Variants in DNAH17 observed in about 807,000 individuals in gnomAD.
DNAH17 encodes the protein axonemal beta dynein heavy chain 17.
DNAH17 carries 376 observed loss-of-function variants against 485.6 expected under a neutral mutation model. The observed-to-expected ratio is 0.77, with a 90% confidence interval of 0.71 to 0.84. DNAH17 has a LOEUF of 0.84. Ranked by LOEUF, DNAH17 falls within the 40% of genes least tolerant of loss-of-function variation. The pLI, the probability that DNAH17 is intolerant of heterozygous loss-of-function variation, is 0.00. For missense variants in DNAH17, 6,370 were observed against 5,839.3 expected (o/e 1.09, Z -2.96); for synonymous variants, 3,031 against 2,405.9 (o/e 1.26, Z -7.60).
At chr17:78,542,932 G>T (rs1320113578) in intron 17 of DNAH17, among the ~76,000 whole-genome samples, 1 of 152,180 alleles carries the variant, frequency 6.6e-6, no homozygotes, top group Non-Finnish European at 1.5e-5. Flanking sequence ...GCTCATCCTG[G>T]GAAGACAAGA....
intron 56 of DNAH17, among the ~76,000 whole-genome samples, chr17:78,465,538 C>T (rs1461851896): frequency 7.2e-6 from 1 of 138,546 alleles, no homozygotes; most frequent in Non-Finnish European, 1.6e-5. Context: ...CGTCTCTGCC[C>T]GGCCGCCCAT....
chr17:78,439,663 CACT>C (rs2086990356), intron 72 of DNAH17, among the ~76,000 whole-genome samples: 2 of 125,434 alleles, frequency 1.6e-5, no homozygotes, highest in African/African-American at 5.9e-5. Flanking sequence ...ATCAGTACTT[CACT>C]TTTTTTTTTT....
chr17:78,460,327 T>TGTGTGTGC, intron 58 of DNAH17, 70 bp from the exon 59 acceptor site: 1 of 786,778 alleles, frequency 1.3e-6, no homozygotes, highest in South Asian at 1.7e-5. Flanking sequence ...TGTACGTGCA[T>TGTGTGTGC]GTGTGTGCAT....
At position 78,542,463 on chromosome 17, in the gene DNAH17, G is replaced by A. The variant is rs113743946; in HGVS notation, c.2532+1394C>T. On this transcript the variant is annotated intron_variant, in intron 17 of 80. Transcript: ENST00000389840. ...ACGCCCAGCCGTTATTTGAGCTCAA[G>A]GGAGAATATTCTCTTTTACAAGCCA... Among the ~76,000 whole-genome samples, 22 of 152,214 alleles carry A rather than the reference G, an allele frequency of 1.4e-4. No individual in the cohort carries two copies. The East Asian group carries it at 3.7e-3, about 25-fold the overall frequency.
chr17:78,427,086 A>G lies in DNAH17; in HGVS notation c.12611T>C (p.Ile4204Thr). ...GAAAGTCTCCGGAATCTTCTCCAGG[A>G]TGTCGTCCAGCACGGCCTTCACCTG... ...EEKVKAVLDD[I>T]LEKIPETFNM... Residue 4204 changes from isoleucine to threonine, a missense_variant, in exon 78 of 81, where the codon ATC becomes ACC. Coordinates refer to ENST00000389840, the MANE Select transcript of DNAH17 (RefSeq NM_173628.4). 1 of 1,582,470 alleles carries G rather than the reference A, an allele frequency of 6.3e-7. No homozygotes were observed. Among genetic ancestry groups the G allele is most frequent in the Non-Finnish European group, 8.6e-7 (1 of 1,164,490 alleles).
In DNAH17 at chr17:78,480,684, C is replaced by T; in HGVS notation, c.7752G>A (p.Gln2584=). ...GGGGATGAGTATGGTTTCTGCTTAC[C>T]TGAAGCCTGGAGTCGATGGTGAAGG... The part of the protein sequence containing the change: ...SGSFTIDSRL[Q]RHFCVFAVSF... The change falls in exon 49 of 81, where the codon CAG becomes CAA. Residue 2584 remains glutamine, a splice_region_variant and synonymous_variant. Coordinates refer to ENST00000389840, the MANE Select transcript of DNAH17 (RefSeq NM_173628.4). The T allele has an allele frequency of 6.2e-7, 1 of 1,613,082 alleles. No individual in the cohort carries two copies. The highest frequency in any genetic ancestry group is 1.3e-5 in the African/African-American group (1 of 75,016).
intron 11 of DNAH17, among the ~76,000 whole-genome samples, chr17:78,565,235 C>T (rs1307124381): frequency 2.0e-5 from 3 of 152,206 alleles, no homozygotes; most frequent in Non-Finnish European, 2.9e-5. Context: ...TGAGTAAGGT[C>T]TGAATCAAGT....
chr17:78,443,863 A>G (rs1019046223), intron 71 of DNAH17, among the ~76,000 whole-genome samples: 3 of 152,182 alleles, frequency 2.0e-5, no homozygotes, highest in Admixed American at 6.5e-5. Context: ...TATTAGGGAC[A>G]TGAGTGTCCT....
intron 33 of DNAH17, chr17:78,502,356 G>A (rs564159752): frequency 2.3e-5 from 9 of 395,772 alleles, no homozygotes; most frequent in East Asian, 1.8e-4. Context: ...ATTTTCAGGC[G>A]AGAAATCAAA....
rs2090001410 is a variant in DNAH17 at position 78,494,694 on chromosome 17, G to A, written c.6169C>T (p.Pro2057Ser). ...GGCAGGTCGTCTGTCACAATCTTGG[G>A]GATGTTGAAGTCTCTCAGCGCCCGC... ...LMRALRDFNI[P>S]KIVTDDLPVF... Residue 2057 changes from proline to serine, a missense_variant, in exon 40 of 81, where the codon CCC becomes TCC. Physicochemically the swap from Pro to Ser is moderately conservative, Grantham distance 74. Transcript: ENST00000389840. 6.2e-6 allele frequency: 10 copies of A among 1,613,938 alleles called. No homozygotes were observed. Among genetic ancestry groups the A allele is most frequent in the Non-Finnish European group, 8.5e-6 (10 of 1,179,894 alleles).
At chr17:78,553,283 GTTTTTTTTTTTTTTTTTT>G (rs60587420) in intron 14 of DNAH17, among the ~76,000 whole-genome samples, 6 of 51,016 alleles carry the variant, frequency 1.2e-4, no homozygotes, top group South Asian at 6.6e-4. Flanking sequence ...AGGTTTTTGT[GTTTTTTTTTTTTTTTTTT>G]TTTTTTTTTT....
intron 44 of DNAH17, among the ~76,000 whole-genome samples, chr17:78,488,912 G>A (rs1349191286): frequency 6.6e-6 from 1 of 151,998 alleles, no homozygotes; most frequent in African/African-American, 2.4e-5. Context: ...CTGGGAGAGA[G>A]GCCTGGGACA....
In DNAH17 at chr17:78,453,429, C is replaced by T. The variant is rs746745527; in HGVS notation, c.10443G>A (p.Gly3481=). 38 of 1,613,848 alleles carry T rather than the reference C, an allele frequency of 2.4e-5. No homozygotes were observed. The South Asian group carries it at 3.5e-4, about 15-fold the overall frequency. Residue 3481 remains glycine, a synonymous_variant, in exon 65 of 81, where the codon GGG becomes GGA. Transcript: ENST00000389840. The part of the protein sequence containing the change: ...LDVIEQAISE[G]DTLLIENIGE... ...CGATGTTCTCAATGAGCAAGGTGTC[C>T]CCTTCCGAGATGGCCTGCTCGATGA...
At chr17:78,431,796 T>G (rs964701499) in intron 75 of DNAH17, among the ~76,000 whole-genome samples, 4 of 152,106 alleles carry the variant, frequency 2.6e-5, no homozygotes, top group African/African-American at 9.7e-5. Flanking sequence ...GCCGCTGATG[T>G]ACATGGTACT....
At chr17:78,477,927 CCATCAT>C (rs1290227704) in intron 51 of DNAH17, among the ~76,000 whole-genome samples, 1 of 149,186 alleles carries the variant, frequency 6.7e-6, no homozygotes, top group African/African-American at 2.6e-5. Flanking sequence ...ACCATCACCA[CCATCAT>C]CACCACCATC....
chr17:78,557,634 C>A (rs2092053695), intron 14 of DNAH17, among the ~76,000 whole-genome samples: 3 of 42,938 alleles, frequency 7.0e-5, no homozygotes, highest in East Asian at 9.0e-4. Context: ...GTGAGACTGT[C>A]TCAAAAAAAA....
Position 78,507,595 on chromosome 17 carries a change from C to T in DNAH17, c.4447G>A (p.Asp1483Asn). 2.5e-6 allele frequency: 4 copies of T among 1,614,152 alleles called. 1 individual carries two copies. Among genetic ancestry groups the T allele is most frequent in the Non-Finnish European group, 3.4e-6 (4 of 1,180,008 alleles). Residue 1483 changes from aspartate to asparagine, a missense_variant, in exon 28 of 81, where the codon GAC (aspartate) becomes AAC (asparagine). By Grantham distance (23) the Asp-to-Asn change is conservative (BLOSUM62 1). Coordinates refer to ENST00000389840, the MANE Select transcript of DNAH17 (RefSeq NM_173628.4). ...TSWQQKLSTADSVISIWFEVQ... is the reference protein window; with the variant it reads ...TSWQQKLSTANSVISIWFEVQ... ...TCAAACCAGATGGAGATGACGGAGTCCGCCGTGGACAGCTTCTGCTGCCAG... is the reference window on the plus strand; with the variant it reads ...TCAAACCAGATGGAGATGACGGAGTTCGCCGTGGACAGCTTCTGCTGCCAG...
intron 51 of DNAH17, among the ~76,000 whole-genome samples, chr17:78,477,769 C>G (rs1386726878): frequency 6.6e-6 from 1 of 152,336 alleles, no homozygotes; most frequent in East Asian, 1.9e-4. Context: ...AAGCACCAAA[C>G]TTATGTGTTG....
In DNAH17 at chr17:78,426,561, T is replaced by A; in HGVS notation, c.12811A>T (p.Thr4271Ser). 6.2e-7 allele frequency: 1 copy of A among 1,613,184 alleles called. No homozygotes were observed. Among genetic ancestry groups the A allele is most frequent in the South Asian group, 1.1e-5 (1 of 90,952 alleles). Reference sequence around the variant, plus strand: ...GGCACGGTGTCATAGAAGAGAGCCGTGGACAGATCTTCCACGTCGGTCGTG... The same window carrying A: ...GGCACGGTGTCATAGAAGAGAGCCGAGGACAGATCTTCCACGTCGGTCGTG... ...TITTDVEDLS[T>S]ALFYDTVPDT... Residue 4271 changes from threonine (T) to serine (S), a missense_variant, in exon 79 of 81, where the codon ACG (threonine) becomes TCG (serine). Thr to Ser is a moderately conservative substitution (Grantham distance 58). Transcript: ENST00000389840.
Sources: gnomAD v4.1 joint callset for allele counts (sites outside exome capture counted in the v4.1 genomes callset) on GRCh38, gnomAD v4.1.1 for gene constraint, MANE v1.5 for transcripts, NCBI Gene and HGNC (gene_info 2026-07-23, HGNC 2026-07-21) for gene names.